The following SOX5 variants were observed in gnomAD, a reference collection of about 807,000 sequenced individuals.
SOX5 encodes SRY-box transcription factor 5.
Under a neutral mutation model 92.0 loss-of-function variants are expected in SOX5, and 9 were observed. The ratio of observed to expected loss-of-function variants is 0.10; its 90% CI spans 0.06 to 0.17. The LOEUF is 0.17. Ranked by LOEUF, SOX5 falls within the 10% of genes least tolerant of loss-of-function variation. The probability of loss-of-function intolerance (pLI) is 1.00; values close to 1 mark genes in which losing one functional copy is unlikely to be tolerated. For synonymous variants in SOX5, 344 were observed against 336.3 expected, an observed-to-expected ratio of 1.02 and a Z score of -0.25; for missense variants, 642 against 944.5, an observed-to-expected ratio of 0.68 and a Z score of 4.20.
At chr12:24,168,142 TTGACC>T (rs1170430699) in intron 4 of SOX5, among the ~76,000 whole-genome samples, 5 of 152,232 alleles carry the variant, frequency 3.3e-5, no homozygotes, top group African/African-American at 1.2e-4. Context: ...GGAAAACTAG[TTGACC>T]TGACAAGAAT....
chr12:24,273,106 T>A (rs1351086669), intron 3 of SOX5, among the ~76,000 whole-genome samples: 1 of 152,056 alleles, frequency 6.6e-6, no homozygotes, highest in Non-Finnish European at 1.5e-5. Context: ...CATGGTGACA[T>A]GTGCCTGTTA....
intron 4 of SOX5, among the ~76,000 whole-genome samples, chr12:24,061,986 AG>A (rs112800106): frequency 0.016 from 2,465 of 152,284 alleles, 41 homozygotes; most frequent in African/African-American, 0.036. Context: ...CATTTGAGAG[AG>A]GAAAAAATGT....
intron 6 of SOX5, among the ~76,000 whole-genome samples, chr12:23,669,967 C>T (rs1373427801): frequency 1.3e-5 from 2 of 152,032 alleles, no homozygotes; most frequent in African/African-American, 4.8e-5. Context: ...CCTAGACAAT[C>T]TAGAAAAGAT....
chr12:23,977,060 TATC>T (rs1394472054), intron 4 of SOX5, among the ~76,000 whole-genome samples: 1 of 152,186 alleles, frequency 6.6e-6, no homozygotes, highest in Non-Finnish European at 1.5e-5. Context: ...CTTATGGAAA[TATC>T]ATTAAGTTCA....
intron 4 of SOX5, among the ~76,000 whole-genome samples, chr12:24,179,118 C>G (rs1030575866): frequency 3.9e-5 from 6 of 152,144 alleles, no homozygotes; most frequent in African/African-American, 1.2e-4. Flanking sequence ...GAAACTAAAA[C>G]ATAACTAACT....
intron 4 of SOX5, among the ~76,000 whole-genome samples, chr12:23,979,285 G>T (rs1228324419): frequency 6.6e-6 from 1 of 152,100 alleles, no homozygotes; most frequent in African/African-American, 2.4e-5. Flanking sequence ...GTGCAATGGT[G>T]CGATCTCAGC....
chr12:24,487,834 T>C (rs781447738), intron 1 of SOX5, among the ~76,000 whole-genome samples: 53 of 152,082 alleles, frequency 3.5e-4, no homozygotes, highest in Non-Finnish European at 6.2e-4. Flanking sequence ...AGGTTCATAG[T>C]ACCCAGTGTC....
At chr12:23,712,238 C>T (rs972902977) in intron 6 of SOX5, among the ~76,000 whole-genome samples, 2 of 152,148 alleles carry the variant, frequency 1.3e-5, no homozygotes, top group African/African-American at 4.8e-5. Flanking sequence ...TCATATTAGA[C>T]CCTACCCAAG....
At chr12:23,551,795 T>C (rs992680047) in intron 11 of SOX5, among the ~76,000 whole-genome samples, 8 of 151,654 alleles carry the variant, frequency 5.3e-5, no homozygotes, top group African/African-American at 1.9e-4. Flanking sequence ...TTTTTTTTTT[T>C]CCCTTTCTGA....
intron 4 of SOX5, among the ~76,000 whole-genome samples, chr12:23,745,296 T>A (rs2093943717): frequency 6.6e-6 from 1 of 152,188 alleles, no homozygotes; most frequent in African/African-American, 2.4e-5. Context: ...TTGTAACAAA[T>A]TTTTAAAATA....
At chr12:23,768,387 T>C (rs1304071817) in intron 3 of SOX5, among the ~76,000 whole-genome samples, 1 of 152,152 alleles carries the variant, frequency 6.6e-6, no homozygotes, top group African/African-American at 2.4e-5. Context: ...GAACCTGCTA[T>C]GGCAGTTTTG....
At chr12:24,349,296 A>G (rs1370269909) in intron 2 of SOX5, among the ~76,000 whole-genome samples, 2 of 152,224 alleles carry the variant, frequency 1.3e-5, no homozygotes, top group East Asian at 1.9e-4. Flanking sequence ...CAGAACACAA[A>G]AAGTACCACC....
intron 2 of SOX5, among the ~76,000 whole-genome samples, chr12:23,860,969 A>AAC (rs2096750443): frequency 1.3e-5 from 2 of 150,462 alleles, no homozygotes; most frequent in African/African-American, 4.9e-5. Flanking sequence ...AAAAAAAAAA[A>AAC]AAAAAAAAAC....
At chr12:23,851,779 A>G (rs1193556345) in intron 2 of SOX5, among the ~76,000 whole-genome samples, 3 of 152,066 alleles carry the variant, frequency 2.0e-5, no homozygotes, top group African/African-American at 7.2e-5. Context: ...AGCCACTGAT[A>G]ATACCTTTGT....
chr12:24,182,872 C>T (rs994048458), intron 4 of SOX5, among the ~76,000 whole-genome samples: 1 of 152,052 alleles, frequency 6.6e-6, no homozygotes, highest in African/African-American at 2.4e-5. Flanking sequence ...CATCACCACG[C>T]CCAGCTAATT....
chr12:23,942,658 CTTTT>C (rs34315450), intron 1 of SOX5, among the ~76,000 whole-genome samples: 51 of 138,338 alleles, frequency 3.7e-4, no homozygotes, highest in African/African-American at 7.6e-4. Flanking sequence ...GGCTCTGAGG[CTTTT>C]TTTTTTTTTT....
chr12:24,355,282 C>CAATTTTTTTTTTT (rs1221012836), intron 2 of SOX5, among the ~76,000 whole-genome samples: 1 of 71,920 alleles, frequency 1.4e-5, no homozygotes, highest in Non-Finnish European at 2.3e-5. Flanking sequence ...AGGGGTGCAT[C>CAATTTTTTTTTTT]TTTTTTTTTT....
chr12:24,371,236 G>A (rs1441710078), intron 1 of SOX5, among the ~76,000 whole-genome samples: 3 of 152,140 alleles, frequency 2.0e-5, no homozygotes, highest in Non-Finnish European at 4.4e-5. Flanking sequence ...TAGGGCCTAC[G>A]GACAAGCCCT....
rs187543929 is a variant in SOX5, at chr12:24,287,075, G to T, written c.-173-9763C>A. On this transcript the variant is annotated intron_variant, in intron 2 of 4. Transcript: ENST00000446891. ...CCTAAACTGAGACTAAATTATTCTA[G>T]TCCCCGAAGTTCAGGTGGATATGTT... Among the ~76,000 whole-genome samples the T allele has an allele frequency of 7.2e-5, 11 of 152,264 alleles. No individual in the cohort carries two copies. The East Asian group carries it at 2.1e-3, about 30-fold the overall frequency.
Sources: gnomAD v4.1 joint callset for allele counts (sites outside exome capture counted in the v4.1 genomes callset) on GRCh38, gnomAD v4.1.1 for gene constraint, MANE v1.5 for transcripts, NCBI Gene and HGNC (gene_info 2026-07-23, HGNC 2026-07-21) for gene names.